Variants in SLIT1 observed in about 807,000 individuals in gnomAD.
SLIT1 encodes the protein slit homolog 1 protein.
In SLIT1, 66 loss-of-function variants were observed where a neutral mutation model predicts 186.1. That is an observed-to-expected ratio of 0.35 (90% confidence interval 0.29 to 0.44). The LOEUF (loss-of-function observed/expected upper bound fraction) is 0.44, where lower values mean the gene tolerates loss of function less well. SLIT1 is among the 20% of genes least tolerant of loss of function. The pLI, the probability that SLIT1 is intolerant of heterozygous loss-of-function variation, is 1.00. For synonymous variants in SLIT1, 761 were observed against 833.8 expected (o/e 0.91, Z 1.50); for missense variants, 1,638 against 2,037.4 (o/e 0.80, Z 3.77).
chr10:97,073,033 G>A (rs1403204714), intron 4 of SLIT1, among the ~76,000 whole-genome samples: 1 of 152,230 alleles, frequency 6.6e-6, no homozygotes, highest in Non-Finnish European at 1.5e-5. Context: ...TTTCCCACGA[G>A]GGGGCGCCAG....
At position 97,018,609 on chromosome 10, in the gene SLIT1, C is replaced by T; in HGVS notation, c.2946G>A (p.Gln982=). Residue 982 remains glutamine, a synonymous_variant, in exon 28 of 37, where the codon CAG becomes CAA. Coordinates refer to ENST00000266058, the MANE Select transcript of SLIT1 (RefSeq NM_003061.3). ...ACGTGAACGGGGCATCCTCGCCCTC[C>T]TGTGCATGGCAGGTGCCCCCATTTT... ...PCENGGTCHA[Q]EGEDAPFTCS... is the part of the protein sequence containing the mutation. The T allele has an allele frequency of 4.4e-6, 7 of 1,592,274 alleles. No homozygotes were observed. In the South Asian group the frequency reaches 5.7e-5, roughly 13 times the overall value.
rs1413782402 is a variant in SLIT1, at chr10:97,013,854, G to A, written c.3110-20C>T. ...CCTTTCCTGGGGAAAGAACGAGCAA[G>A]GGGCAGGAGAGAAGCTGCTCTCCTG... On this transcript the variant is annotated intron_variant, in intron 29 of 36. Coordinates refer to ENST00000266058, the MANE Select transcript of SLIT1 (RefSeq NM_003061.3). 1 of 1,549,486 alleles carries A rather than the reference G, an allele frequency of 6.5e-7. No individual in the cohort carries two copies. The highest frequency in any genetic ancestry group is 1.2e-5 in the South Asian group (1 of 84,038).
At chr10:97,046,182 C>A (rs533636567) in intron 18 of SLIT1, among the ~76,000 whole-genome samples, 1 of 152,194 alleles carries the variant, frequency 6.6e-6, no homozygotes, top group Admixed American at 6.5e-5. Context: ...ACCCCAGGAT[C>A]CCACTGAGCT....
intron 32 of SLIT1, among the ~76,000 whole-genome samples, chr10:97,005,193 G>C (rs1459208764): frequency 6.6e-6 from 1 of 152,166 alleles, no homozygotes; most frequent in Non-Finnish European, 1.5e-5. Flanking sequence ...GTGGGCCTTG[G>C]GGAGCTAACT....
At chr10:97,157,315 AAAG>A (rs1849964646) in intron 4 of SLIT1, 1 of 153,162 alleles carries the variant, frequency 6.5e-6, no homozygotes, top group Admixed American at 6.5e-5. Context: ...TTCGAACTTG[AAAG>A]AAGTACATTG....
At chr10:97,092,420 T>C (rs917216217) in intron 4 of SLIT1, among the ~76,000 whole-genome samples, 29 of 152,310 alleles carry the variant, frequency 1.9e-4, no homozygotes, top group African/African-American at 6.3e-4. Context: ...ATGAGAACAA[T>C]GTGATTCAAA....
At chr10:97,084,403 T>A (rs1849136070) in intron 4 of SLIT1, among the ~76,000 whole-genome samples, 1 of 152,146 alleles carries the variant, frequency 6.6e-6, no homozygotes, top group Non-Finnish European at 1.5e-5. Context: ...TATCTGGGTA[T>A]CCTCATGCAC....
chr10:97,129,494 C>A (rs1347772008), intron 4 of SLIT1, among the ~76,000 whole-genome samples: 1 of 152,174 alleles, frequency 6.6e-6, no homozygotes, highest in Non-Finnish European at 1.5e-5. Flanking sequence ...AGTTAGGACC[C>A]ACAAATGTTC....
At chr10:97,134,550 C>T (rs532736557) in intron 4 of SLIT1, among the ~76,000 whole-genome samples, 2 of 152,102 alleles carry the variant, frequency 1.3e-5, no homozygotes, top group Admixed American at 1.3e-4. Context: ...ACCCTAAGCC[C>T]GAGCTGCAGA....
At position 97,019,137 on chromosome 10, in the gene SLIT1, G is replaced by T. The variant is rs763352325; in HGVS notation, c.2747-30C>A. 2.1e-6 allele frequency: 3 copies of T among 1,396,296 alleles called. No individual in the cohort carries two copies. The South Asian group carries it at 3.5e-5, about 16-fold the overall frequency. The allele number at this position is 1,396,296 out of a possible 1,614,324, so 86.5% of individuals were successfully genotyped here. ...AGCAAGGGGAGGGTGCTAGTGCAGG[G>T]GGAGGGGTGGGCAGCACAGGGCTGG... On this transcript the variant is annotated intron_variant, in intron 26 of 36. Transcript: ENST00000266058.
At chr10:97,042,045 A>G (rs1848694726) in intron 20 of SLIT1, among the ~76,000 whole-genome samples, 1 of 152,052 alleles carries the variant, frequency 6.6e-6, no homozygotes, top group African/African-American at 2.4e-5. Context: ...TTTAAATTTT[A>G]GAAGTCAGAA....
chr10:97,068,273 C>A lies in SLIT1; in HGVS notation c.414-2187G>T, dbSNP rs1848969602. Among the ~76,000 whole-genome samples the A allele has an allele frequency of 6.6e-6, 1 of 151,928 alleles. No homozygotes were observed. Among genetic ancestry groups the A allele is most frequent in the African/African-American group, 2.4e-5 (1 of 41,330 alleles). On this transcript the variant is annotated intron_variant, in intron 4 of 36. Transcript: ENST00000266058. The surrounding 1 kb of genome is among the most constrained non-coding windows in gnomAD (Gnocchi z 4.2). The stretch of plus-strand genomic sequence containing the variant: ...GAGGAGCCTGGGGTTCGAGGCCTGG[C>A]CCTCCCCCTCCTGGCCATACATCTG...
intron 1 of SLIT1, among the ~76,000 whole-genome samples, chr10:97,182,988 G>A (rs535081255): frequency 4.7e-5 from 7 of 149,656 alleles, no homozygotes; most frequent in South Asian, 2.1e-4. Context: ...AAAAAAAGAC[G>A]TCTGCAAGAA....
chr10:97,042,639 T>C (rs957578270), intron 20 of SLIT1, among the ~76,000 whole-genome samples: 1 of 152,192 alleles, frequency 6.6e-6, no homozygotes, highest in African/African-American at 2.4e-5. Flanking sequence ...GATGGAATAA[T>C]AGGTAAAGTT....
intron 7 of SLIT1, among the ~76,000 whole-genome samples, 154 bp from the exon 8 acceptor site, chr10:97,063,772 G>A (rs1371984812): frequency 3.3e-5 from 5 of 152,132 alleles, no homozygotes; most frequent in Non-Finnish European, 7.4e-5. Flanking sequence ...GCTCCAACCC[G>A]GGGATTATCC....
intron 4 of SLIT1, among the ~76,000 whole-genome samples, chr10:97,087,021 T>C (rs1849167373): frequency 6.6e-6 from 1 of 151,718 alleles, no homozygotes. Flanking sequence ...ATGGGGTAAA[T>C]TGGGAATCTC....
chr10:97,063,349 G>A, intron 8 of SLIT1, 106 bp downstream of exon 8: 2 of 1,262,142 alleles, frequency 1.6e-6, no homozygotes, highest in Non-Finnish European at 2.3e-6. Context: ...GGCGGGGTCA[G>A]GAGGTGATGG....
At chr10:97,020,859 C>T (rs1273301986) in intron 26 of SLIT1, among the ~76,000 whole-genome samples, 1 of 152,198 alleles carries the variant, frequency 6.6e-6, no homozygotes, top group Non-Finnish European at 1.5e-5. Flanking sequence ...CTGTAAATGT[C>T]GGGAGAGTGG....
rs773738349 is a variant in SLIT1 at position 97,001,145 on chromosome 10, C to T, written c.4572G>A (p.Lys1524=). The change falls in exon 37 of 37, where the codon AAG becomes AAA. Residue 1524 remains lysine, a synonymous_variant. Coordinates refer to ENST00000266058, the MANE Select transcript of SLIT1 (RefSeq NM_003061.3). ...AGAGGGCACAGCCACACTTGGTGGG[C>T]TTTTCCACCTCCTCGGCAAAAGAGG... ...DGTSFAEEVE[K]PTKCGCALCA The T allele has an allele frequency of 6.2e-7, 1 of 1,613,142 alleles. No homozygotes were observed. The highest frequency in any genetic ancestry group is 1.1e-5 in the South Asian group (1 of 91,090).
Sources: allele counts gnomAD v4.1 joint callset (sites outside exome capture counted in the v4.1 genomes callset), GRCh38; gene constraint gnomAD v4.1.1; non-coding constraint Gnocchi (gnomAD v3.1); transcripts MANE v1.5; gene names NCBI Gene and HGNC (gene_info 2026-07-23, HGNC 2026-07-21).